Variants in AGBL1 observed in about 807,000 individuals in gnomAD.
AGBL1 encodes cytosolic carboxypeptidase 4.
A neutral mutation model predicts 118.9 loss-of-function variants in AGBL1; 130 were observed. That is an observed-to-expected ratio of 1.09 (90% CI 0.95 to 1.26). The LOEUF (loss-of-function observed/expected upper bound fraction) is 1.26, where lower values mean the gene tolerates loss of function less well. Ranked by LOEUF, AGBL1 falls within the 50% of genes most tolerant of loss-of-function variation. The pLI is 0.00. For synonymous variants in AGBL1, 555 were observed against 478.9 expected, an observed-to-expected ratio of 1.16 and a Z score of -2.08; for missense variants, 1,584 against 1,298.1, an observed-to-expected ratio of 1.22 and a Z score of -3.38.
At chr15:86,729,383 C>G (rs983647793) in intron 22 of AGBL1, among the ~76,000 whole-genome samples, 5 of 152,118 alleles carry the variant, frequency 3.3e-5, no homozygotes, top group Admixed American at 6.5e-5. Flanking sequence ...TCCTGTCACT[C>G]AGGTAGTGAG....
chr15:86,462,370 C>T (rs1356028952), intron 18 of AGBL1, among the ~76,000 whole-genome samples: 3 of 152,148 alleles, frequency 2.0e-5, no homozygotes, highest in Admixed American at 6.6e-5. Flanking sequence ...AAGTTGTTCG[C>T]TGACTCCTGC....
intron 22 of AGBL1, among the ~76,000 whole-genome samples, chr15:86,714,985 A>G (rs1287342245): frequency 6.6e-6 from 1 of 152,212 alleles, no homozygotes; most frequent in East Asian, 1.9e-4. Flanking sequence ...AATAAAGTTA[A>G]GTACTTTAAT....
intron 17 of AGBL1, among the ~76,000 whole-genome samples, chr15:86,338,959 CA>C (rs1248189918): frequency 1.3e-5 from 2 of 152,108 alleles, no homozygotes; most frequent in African/African-American, 2.4e-5. Context: ...TAGAGGGTTA[CA>C]AGTGTTCCTA....
chr15:86,954,984 T>C (rs369076219), intron 23 of AGBL1, among the ~76,000 whole-genome samples: 1 of 152,164 alleles, frequency 6.6e-6, no homozygotes, highest in Non-Finnish European at 1.5e-5. Context: ...TGTAAGAGTG[T>C]AAGTTCAAGT....
At chr15:86,231,432 A>T (rs1457817734) in intron 6 of AGBL1, among the ~76,000 whole-genome samples, 1 of 152,258 alleles carries the variant, frequency 6.6e-6, no homozygotes, top group African/African-American at 2.4e-5. Context: ...CTGGAGAAGC[A>T]TGCAGTATAT....
chr15:86,878,642 G>A (rs557344629), intron 22 of AGBL1, among the ~76,000 whole-genome samples: 2 of 152,188 alleles, frequency 1.3e-5, no homozygotes, highest in African/African-American at 4.8e-5. Context: ...ACATTGTAAT[G>A]TAATCATCTG....
chr15:86,448,275 A>G (rs1008979192), intron 18 of AGBL1, among the ~76,000 whole-genome samples: 6 of 152,224 alleles, frequency 3.9e-5, no homozygotes, highest in Admixed American at 1.3e-4. Context: ...TTTGTTAGCC[A>G]TCATTGTTTA....
At chr15:86,567,246 A>AACC (rs2083930308) in intron 21 of AGBL1, among the ~76,000 whole-genome samples, 1 of 152,346 alleles carries the variant, frequency 6.6e-6, no homozygotes, top group Admixed American at 6.5e-5. Flanking sequence ...CAGGGTTGAG[A>AACC]ACCACAGATT....
intron 24 of AGBL1, among the ~76,000 whole-genome samples, chr15:87,005,505 G>A (rs117079753): frequency 0.067 from 10,239 of 152,060 alleles, 530 homozygotes; most frequent in East Asian, 0.28. Context: ...TTGTGCATTC[G>A]TCACATAGTT....
At chr15:86,551,547 G>A (rs766732256) in intron 20 of AGBL1, among the ~76,000 whole-genome samples, 37 of 152,176 alleles carry the variant, frequency 2.4e-4, no homozygotes, top group African/African-American at 6.3e-4. Flanking sequence ...TAAGTGGAAA[G>A]AAGAATTAGT....
At position 86,258,003 on chromosome 15, in the gene AGBL1, A is replaced by G; in HGVS notation, c.941A>G (p.Asp314Gly). 6.2e-7 allele frequency: 1 copy of G among 1,613,662 alleles called. No homozygotes were observed. Residue 314 changes from aspartate to glycine, a missense_variant, in exon 9 of 23, where the codon GAC (aspartate) becomes GGC (glycine). Asp to Gly is a moderately conservative substitution (Grantham distance 94, BLOSUM62 -1). Coordinates refer to ENST00000614907, the MANE Select transcript of AGBL1 (RefSeq NM_001386094.1). ...GATGGCGATGATGAAGTGGACAAAG[A>G]CTCTGATACTGAAGATGGGAAAGTG... ...EDDGDDEVDK[D>G]SDTEDGKVED...
intron 24 of AGBL1, among the ~76,000 whole-genome samples, chr15:86,996,089 G>C (rs1421163884): frequency 1.3e-5 from 2 of 151,998 alleles, no homozygotes; most frequent in East Asian, 1.9e-4. Context: ...CCATCATGTG[G>C]GCTGATGACA....
intron 22 of AGBL1, among the ~76,000 whole-genome samples, chr15:86,816,157 C>T (rs2078855081): frequency 6.6e-6 from 1 of 152,134 alleles, no homozygotes; most frequent in South Asian, 2.1e-4. Flanking sequence ...ATTATAAAAG[C>T]CTGAGAACTT....
intron 22 of AGBL1, among the ~76,000 whole-genome samples, chr15:86,777,912 C>A (rs761238924): frequency 3.9e-5 from 6 of 152,052 alleles, no homozygotes; most frequent in African/African-American, 4.8e-5. Context: ...AGCTAATTAT[C>A]GGGGGAAATT....
At chr15:86,166,072 A>G (rs1297136595) in intron 5 of AGBL1, among the ~76,000 whole-genome samples, 1 of 152,200 alleles carries the variant, frequency 6.6e-6, no homozygotes, top group Non-Finnish European at 1.5e-5. Context: ...GGACCTTCTT[A>G]TCATCTCCTT....
At chr15:87,003,319 G>A (rs1376231779) in intron 24 of AGBL1, among the ~76,000 whole-genome samples, 4 of 151,706 alleles carry the variant, frequency 2.6e-5, no homozygotes, top group Admixed American at 2.6e-4. Context: ...TGCATCCCAG[G>A]GATGAAGCCC....
At chr15:86,859,018 A>G (rs569292942) in intron 22 of AGBL1, among the ~76,000 whole-genome samples, 1 of 152,316 alleles carries the variant, frequency 6.6e-6, no homozygotes, top group African/African-American at 2.4e-5. Flanking sequence ...TGGTAGGACA[A>G]ATGCTCAAGA....
chr15:86,569,478 A>G (rs2083970327), intron 21 of AGBL1, among the ~76,000 whole-genome samples: 1 of 151,444 alleles, frequency 6.6e-6, no homozygotes, highest in South Asian at 2.1e-4. Context: ...TATTTGGGCC[A>G]TTTATGTTGA....
chr15:86,359,214 T>C (rs2080765317), intron 17 of AGBL1, among the ~76,000 whole-genome samples: 1 of 151,866 alleles, frequency 6.6e-6, no homozygotes, highest in Non-Finnish European at 1.5e-5. Context: ...TAGATAAGTG[T>C]CCAATTTTAT....
Sources: gnomAD v4.1 joint callset for allele counts (sites outside exome capture counted in the v4.1 genomes callset) on GRCh38, gnomAD v4.1.1 for gene constraint, MANE v1.5 for transcripts, NCBI Gene and HGNC (gene_info 2026-07-23, HGNC 2026-07-21) for gene names.